C5orf24: variants seen among roughly 807,000 people sequenced by gnomAD.
C5orf24 encodes chromosome 5 open reading frame 24, also known as UPF0461 protein C5orf24.
A neutral mutation model predicts 9.8 loss-of-function variants in C5orf24; 4 were observed. That is an observed-to-expected ratio of 0.41 (90% CI 0.20 to 0.93). C5orf24 has a LOEUF of 0.93. Among genes scored for constraint, C5orf24 ranks in the 40% least tolerant of loss-of-function variants. The pLI is 0.33. For missense variants in C5orf24, 170 were observed against 236.9 expected, an observed-to-expected ratio of 0.72 and a Z score of 1.85; for synonymous variants, 73 against 81.3, an observed-to-expected ratio of 0.90 and a Z score of 0.55.
At chr5:134,843,399 T>TCCC (rs1755927834), upstream of C5orf24, among the ~76,000 whole-genome samples, 1 of 152,232 alleles carries the variant, frequency 6.6e-6, no homozygotes, top group Non-Finnish European at 1.5e-5. Context: ...AATAGAATAG[T>TCCC]ATAATGAACA....
chr5:134,835,913 AATCTTAGACTCC>A, the C5orf24 span, among the ~76,000 whole-genome samples: 2 of 151,946 alleles, frequency 1.3e-5, no homozygotes, highest in Admixed American at 1.3e-4. Flanking sequence ...TGCCCAGGCT[AATCTTAGACTCC>A]TGGCCTCAGG....
the C5orf24 span, among the ~76,000 whole-genome samples, chr5:134,839,424 A>T: frequency 3.3e-5 from 5 of 152,190 alleles, no homozygotes; most frequent in African/African-American, 1.2e-4. Flanking sequence ...ACAGCTAGTA[A>T]GTGGCAGACC....
At chr5:134,851,185 C>G (rs1486086376) in intron 1 of C5orf24, among the ~76,000 whole-genome samples, 1 of 152,052 alleles carries the variant, frequency 6.6e-6, no homozygotes, top group African/African-American at 2.4e-5. Flanking sequence ...GCCTTGGCCT[C>G]TCACAGTGCT....
rs1756106803 is a variant in C5orf24 at position 134,849,832 on chromosome 5, A to AT, written c.-4+3626dup. Among the ~76,000 whole-genome samples, 3 of 150,954 alleles carry AT rather than the reference A, an allele frequency of 2.0e-5. No individual in the cohort carries two copies. In the South Asian group the frequency reaches 6.3e-4, roughly 32 times the overall value. On this transcript the variant is annotated intron_variant, in intron 1 of 1. Transcript: ENST00000394976. ...GCCTCCATGCCCAGCTAATTTTTGT[A>AT]TTTTTTGTAGTGACGGGGTTTCTCC...
At chr5:134,852,651 A>G (rs1311489310) in intron 1 of C5orf24, among the ~76,000 whole-genome samples, 1 of 152,200 alleles carries the variant, frequency 6.6e-6, no homozygotes, top group Non-Finnish European at 1.5e-5. Flanking sequence ...CTGGACCTTA[A>G]TATACATTTG....
At chr5:134,840,908 T>C (rs1439539914), upstream of C5orf24, among the ~76,000 whole-genome samples, 1 of 152,214 alleles carries the variant, frequency 6.6e-6, no homozygotes. Context: ...TAATTAGCCA[T>C]ATGGCTGATC....
chr5:134,847,747 C>T (rs1020864195), intron 1 of C5orf24, among the ~76,000 whole-genome samples: 3 of 148,096 alleles, frequency 2.0e-5, no homozygotes, highest in African/African-American at 7.6e-5. Context: ...GTTTCCTAGG[C>T]TGGAGTACAG....
At chr5:134,838,157 T>C in the C5orf24 span, among the ~76,000 whole-genome samples, 2 of 152,194 alleles carry the variant, frequency 1.3e-5, no homozygotes, top group South Asian at 2.1e-4. Context: ...ATTCCAGATA[T>C]AGACAAATAT....
chr5:134,834,934 C>G, the C5orf24 span, among the ~76,000 whole-genome samples: 4,788 of 152,160 alleles, frequency 0.031, 154 homozygotes, highest in African/African-American at 0.085. Context: ...GTCCCAGCTA[C>G]TCGGGAGGCT....
chr5:134,857,794 T>C lies in C5orf24; in HGVS notation c.*2327T>C, dbSNP rs116661206. On this transcript the variant is annotated 3_prime_UTR_variant, in exon 2 of 2. Transcript: ENST00000394976. ...CCAGTTTCTAAAGACATTTGTTTAA[T>C]GTTCTACCATAGAATAATGCACACC... 2,652 of 177,892 alleles carry C rather than the reference T, an allele frequency of 0.015. 38 individuals carry two copies. The highest frequency in any genetic ancestry group is 0.025 in the Non-Finnish European group (1,871 of 75,760). 11.0% of individuals were successfully genotyped at this position (177,892 alleles called of 1,614,324 possible).
chr5:134,838,392 C>G, the C5orf24 span, among the ~76,000 whole-genome samples: 1 of 152,062 alleles, frequency 6.6e-6, no homozygotes, highest in Non-Finnish European at 1.5e-5. Context: ...CACTCCCGGC[C>G]GGATGCGGTG....
At chr5:134,838,773 C>T in the C5orf24 span, among the ~76,000 whole-genome samples, 1 of 149,018 alleles carries the variant, frequency 6.7e-6, no homozygotes, top group Non-Finnish European at 1.5e-5. Flanking sequence ...GGCATGACCT[C>T]GTCTCTACAA....
chr5:134,848,205 G>C (rs1365062607), intron 1 of C5orf24, among the ~76,000 whole-genome samples: 1 of 152,086 alleles, frequency 6.6e-6, no homozygotes, highest in African/African-American at 2.4e-5. Context: ...CAGCTACTCG[G>C]GAAGCTGAGG....
At chr5:134,845,136 GTGT>G (rs746812288), upstream of C5orf24, among the ~76,000 whole-genome samples, 4 of 152,334 alleles carry the variant, frequency 2.6e-5, no homozygotes, top group Non-Finnish European at 5.9e-5. Context: ...CTTGTTTCGT[GTGT>G]TGTGTCCTGG....
chr5:134,851,487 C>G (rs551977553), intron 1 of C5orf24, among the ~76,000 whole-genome samples: 1 of 135,748 alleles, frequency 7.4e-6, no homozygotes, highest in African/African-American at 2.7e-5. Flanking sequence ...TTTTCATTGT[C>G]AAATATTTAG....
At chr5:134,849,748 C>T (rs1268646666) in intron 1 of C5orf24, among the ~76,000 whole-genome samples, 1 of 148,936 alleles carries the variant, frequency 6.7e-6, no homozygotes, top group African/African-American at 2.5e-5. Context: ...ACCTCTGCCT[C>T]CCGGGTTCAA....
chr5:134,844,382 AGGCT>A (rs1755943190), upstream of C5orf24, among the ~76,000 whole-genome samples: 1 of 152,124 alleles, frequency 6.6e-6, no homozygotes, highest in South Asian at 2.1e-4. Context: ...TCTGTTGCCC[AGGCT>A]GGAGTGCAGT....
the C5orf24 span, among the ~76,000 whole-genome samples, chr5:134,840,199 C>T: frequency 6.0e-5 from 9 of 149,540 alleles, no homozygotes; most frequent in African/African-American, 9.9e-5. Context: ...CCCAGCTACT[C>T]GGGAGGCTGC....
rs1487333234 is a variant in C5orf24, at chr5:134,857,582, G to A, written c.*2115G>A. ...TTCTGGCAGCTAAATTGCTACAAGAGCTTTTTCTTGCAAAAGCTTAAAATA... is the reference window on the plus strand; with the variant it reads ...TTCTGGCAGCTAAATTGCTACAAGAACTTTTTCTTGCAAAAGCTTAAAATA... On this transcript the variant is annotated 3_prime_UTR_variant, in exon 2 of 2. Transcript: ENST00000394976. The A allele has an allele frequency of 1.5e-6, 1 of 685,880 alleles. No individual in the cohort carries two copies. The highest frequency in any genetic ancestry group is 2.1e-6 in the Non-Finnish European group (1 of 467,874). 42.5% of individuals were successfully genotyped at this position (685,880 alleles called of 1,614,324 possible).
Sources: allele counts gnomAD v4.1 joint callset (sites outside exome capture counted in the v4.1 genomes callset), GRCh38; gene constraint gnomAD v4.1.1; transcripts MANE v1.5; gene names NCBI Gene and HGNC (gene_info 2026-07-23, HGNC 2026-07-21).